CTNNA3: variants seen among roughly 807,000 people sequenced by gnomAD.
The protein encoded by CTNNA3 is catenin alpha-3.
CTNNA3 carries 76 observed loss-of-function variants against 95.7 expected under a neutral mutation model. The observed-to-expected ratio is 0.79, with a 90% CI of 0.66 to 0.96. CTNNA3 has a LOEUF of 0.96. CTNNA3 is among the 40% of genes least tolerant of loss of function. CTNNA3 has a pLI of 0.00. For synonymous variants in CTNNA3, 431 were observed against 374.4 expected (o/e 1.15, Z -1.74); for missense variants, 1,191 against 1,089.8 (o/e 1.09, Z -1.31).
chr10:67,492,638 A>T (rs1589353929), intron 5 of CTNNA3, among the ~76,000 whole-genome samples: 2 of 152,358 alleles, frequency 1.3e-5, no homozygotes, highest in Admixed American at 1.3e-4. Context: ...ACATTAGATT[A>T]ATCAGAGAAA....
chr10:66,130,879 A>G (rs1444195708), intron 13 of CTNNA3, among the ~76,000 whole-genome samples: 1 of 151,524 alleles, frequency 6.6e-6, no homozygotes, highest in Non-Finnish European at 1.5e-5. Flanking sequence ...AAAAAAAAAA[A>G]AGAAAGAAAT....
At chr10:67,465,322 T>A (rs1430345508) in intron 5 of CTNNA3, among the ~76,000 whole-genome samples, 1 of 152,066 alleles carries the variant, frequency 6.6e-6, no homozygotes, top group African/African-American at 2.4e-5. Flanking sequence ...ATACCAGCTA[T>A]AATACTCTCA....
chr10:66,864,716 C>T (rs184917303), intron 7 of CTNNA3, among the ~76,000 whole-genome samples: 34 of 152,198 alleles, frequency 2.2e-4, no homozygotes, highest in Middle Eastern at 3.4e-3. Flanking sequence ...ATTGCAAACA[C>T]TGCAATAGAA....
At chr10:67,220,013 T>C in intron 5 of CTNNA3, 143 bp from the exon 6 acceptor site, 1 of 643,308 alleles carries the variant, frequency 1.6e-6, no homozygotes, top group East Asian at 2.9e-5. Context: ...CAAGGGCATC[T>C]ATTATTTCTA....
At chr10:67,277,777 T>C (rs1186456410) in intron 5 of CTNNA3, among the ~76,000 whole-genome samples, 1 of 152,060 alleles carries the variant, frequency 6.6e-6, no homozygotes, top group African/African-American at 2.4e-5. Flanking sequence ...TAAAAGACAC[T>C]CCCACCAGTG....
chr10:66,454,077 A>G (rs1274293313), intron 11 of CTNNA3, among the ~76,000 whole-genome samples: 2 of 152,068 alleles, frequency 1.3e-5, no homozygotes, highest in Non-Finnish European at 2.9e-5. Context: ...TCAACCAGCC[A>G]TTGTTGGTTT....
At chr10:66,318,262 A>AT (rs72320706) in intron 12 of CTNNA3, among the ~76,000 whole-genome samples, 86 of 14,994 alleles carry the variant, frequency 5.7e-3, no homozygotes, top group African/African-American at 7.9e-3. Context: ...TTGCTGGGAG[A>AT]TATATATATA....
At chr10:67,102,776 T>C (rs758703242) in intron 7 of CTNNA3, among the ~76,000 whole-genome samples, 7 of 151,834 alleles carry the variant, frequency 4.6e-5, no homozygotes, top group African/African-American at 1.7e-4. Context: ...TCTTGTGTTA[T>C]TATAACACAG....
chr10:66,651,855 G>A (rs1437565617), intron 9 of CTNNA3, among the ~76,000 whole-genome samples: 4 of 148,680 alleles, frequency 2.7e-5, no homozygotes, highest in Admixed American at 2.0e-4. Context: ...AAAGGGAGCC[G>A]GCTCCTGCCT....
chr10:66,151,225 A>G (rs1055106655), intron 13 of CTNNA3, among the ~76,000 whole-genome samples: 32 of 152,118 alleles, frequency 2.1e-4, no homozygotes, highest in Admixed American at 5.9e-4. Context: ...ATAAAGTACT[A>G]TGGGGACAAC....
At position 67,539,389 on chromosome 10, in the gene CTNNA3, G is replaced by A. The variant is rs751387017; in HGVS notation, c.459+114C>T. On this transcript the variant is annotated intron_variant, in intron 4 of 17. Coordinates refer to ENST00000433211, the MANE Select transcript of CTNNA3 (RefSeq NM_013266.4). ...CCCAGTCTAGTCTGCTTCTGAAGGG[G>A]TGATGTTAAGAAATGAGAGTGAAGC... 4 of 1,091,616 alleles carry A rather than the reference G, an allele frequency of 3.7e-6. No individual in the cohort carries two copies. The South Asian group carries it at 4.4e-5, about 12-fold the overall frequency. 67.6% of individuals were successfully genotyped at this position (1,091,616 alleles called of 1,614,324 possible).
chr10:66,322,634 C>A (rs1383557761), intron 12 of CTNNA3, among the ~76,000 whole-genome samples: 1 of 152,020 alleles, frequency 6.6e-6, no homozygotes, highest in Non-Finnish European at 1.5e-5. Flanking sequence ...CAAACAAGTG[C>A]CAGGAAAAGA....
intron 13 of CTNNA3, among the ~76,000 whole-genome samples, chr10:66,112,427 C>A (rs2082156160): frequency 6.6e-6 from 1 of 152,052 alleles, no homozygotes; most frequent in Non-Finnish European, 1.5e-5. Flanking sequence ...CCATTAGCAT[C>A]CCTCTATTTT....
intron 7 of CTNNA3, among the ~76,000 whole-genome samples, chr10:66,845,710 A>ATAAATAAATAAATAAAAT (rs1248827088): frequency 7.0e-5 from 6 of 85,970 alleles, no homozygotes; most frequent in Non-Finnish European, 1.3e-4. Flanking sequence ...TCTCAAAAAA[A>ATAAATAAATAAATAAAAT]AAAAAAAAAA....
At chr10:66,549,156 G>A (rs1375525201) in intron 10 of CTNNA3, among the ~76,000 whole-genome samples, 2 of 151,752 alleles carry the variant, frequency 1.3e-5, no homozygotes, top group African/African-American at 4.8e-5. Flanking sequence ...ACCACGCCCA[G>A]CTAATTTTTT....
intron 3 of CTNNA3, 130 bp from the exon 4 acceptor site, chr10:67,539,799 T>TA: frequency 2.6e-6 from 2 of 779,834 alleles, no homozygotes; most frequent in Non-Finnish European, 4.0e-6. Flanking sequence ...CAGTTGACAA[T>TA]TTTCTCTCTC....
chr10:67,712,125 G>T (rs987855325), intron 1 of CTNNA3, among the ~76,000 whole-genome samples: 1 of 152,112 alleles, frequency 6.6e-6, no homozygotes, highest in Non-Finnish European at 1.5e-5. Context: ...CAAAGACTTG[G>T]AACCAACCCA....
intron 11 of CTNNA3, among the ~76,000 whole-genome samples, chr10:66,396,807 A>C (rs1043306405): frequency 7.9e-5 from 12 of 151,968 alleles, no homozygotes; most frequent in Non-Finnish European, 1.5e-4. Context: ...TTACAGATTC[A>C]TGTCAAAATA....
intron 5 of CTNNA3, among the ~76,000 whole-genome samples, chr10:67,408,107 A>G (rs1331049893): frequency 6.6e-6 from 1 of 152,242 alleles, no homozygotes; most frequent in Non-Finnish European, 1.5e-5. Context: ...AAACAAATGG[A>G]AAATCATTCC....
Sources: allele counts gnomAD v4.1 joint callset (sites outside exome capture counted in the v4.1 genomes callset), GRCh38; gene constraint gnomAD v4.1.1; transcripts MANE v1.5; gene names NCBI Gene and HGNC (gene_info 2026-07-23, HGNC 2026-07-21).